Variants in ANO2 observed in about 807,000 individuals in gnomAD.
ANO2 encodes the protein anoctamin-2.
In ANO2, 101 loss-of-function variants were observed where a neutral mutation model predicts 124.2. The observed-to-expected ratio is 0.81, with a 90% CI of 0.69 to 0.96. ANO2 has a LOEUF of 0.96. Among genes scored for constraint, ANO2 ranks in the 40% least tolerant of loss-of-function variants. The pLI, the probability that ANO2 is intolerant of heterozygous loss-of-function variation, is 0.00. For synonymous variants in ANO2, 486 were observed against 482.5 expected, an observed-to-expected ratio of 1.01 and a Z score of -0.09; for missense variants, 1,293 against 1,274.5, an observed-to-expected ratio of 1.01 and a Z score of -0.22.
chr12:5,838,859 T>A (rs1370582965), intron 4 of ANO2, among the ~76,000 whole-genome samples: 1 of 152,164 alleles, frequency 6.6e-6, no homozygotes, highest in Non-Finnish European at 1.5e-5. Flanking sequence ...TGGCACACAG[T>A]GGGGACAGGA....
intron 20 of ANO2, among the ~76,000 whole-genome samples, chr12:5,594,772 A>C (rs1266788425): frequency 6.6e-6 from 1 of 152,170 alleles, no homozygotes; most frequent in Non-Finnish European, 1.5e-5. Context: ...TGGGAGGTCC[A>C]GGCTGCAGTG....
chr12:5,940,547 A>C (rs7314078), intron 1 of ANO2, among the ~76,000 whole-genome samples: 1 of 151,972 alleles, frequency 6.6e-6, no homozygotes, highest in African/African-American at 2.4e-5. Context: ...TCTTGCTCCT[A>C]GGTTCAGGCA....
intron 23 of ANO2, among the ~76,000 whole-genome samples, chr12:5,567,393 T>A (rs776351030): frequency 2.9e-4 from 44 of 152,238 alleles, no homozygotes; most frequent in Non-Finnish European, 2.8e-4. Context: ...GACTCACCTA[T>A]CCTCCCGTCG....
chr12:5,608,479 G>T (rs1944325219), intron 19 of ANO2, among the ~76,000 whole-genome samples: 1 of 151,928 alleles, frequency 6.6e-6, no homozygotes, highest in African/African-American at 2.4e-5. Context: ...TGAAAGAGGG[G>T]TGGCTTGTAT....
At chr12:5,924,415 G>A (rs576967179) in intron 1 of ANO2, among the ~76,000 whole-genome samples, 4 of 152,280 alleles carry the variant, frequency 2.6e-5, no homozygotes, top group South Asian at 2.1e-4. Flanking sequence ...AGTCAAAGTC[G>A]GCTTCTGGGG....
chr12:5,806,378 C>A (rs996225340), intron 8 of ANO2, among the ~76,000 whole-genome samples: 18 of 152,210 alleles, frequency 1.2e-4, no homozygotes, highest in African/African-American at 4.1e-4. Flanking sequence ...GAGCTCCAGA[C>A]TTTAAATGGT....
chr12:5,943,107 C>T (rs1488176597), intron 1 of ANO2, among the ~76,000 whole-genome samples: 2 of 152,158 alleles, frequency 1.3e-5, no homozygotes, highest in East Asian at 1.9e-4. Context: ...AGCAATCCCA[C>T]TACTGGGCAT....
At chr12:5,687,935 G>A (rs12579350) in intron 14 of ANO2, among the ~76,000 whole-genome samples, 18,161 of 152,178 alleles carry the variant, frequency 0.12, 1,227 homozygotes, top group African/African-American at 0.19. Context: ...ACTTTGCCTT[G>A]ACCTTGTGTT....
chr12:5,627,104 C>T (rs1945452886), intron 16 of ANO2, among the ~76,000 whole-genome samples: 1 of 152,200 alleles, frequency 6.6e-6, no homozygotes, highest in African/African-American at 2.4e-5. Flanking sequence ...TCTTACATAA[C>T]TGGTAGGGGT....
intron 10 of ANO2, among the ~76,000 whole-genome samples, chr12:5,768,597 C>T (rs189233515): frequency 6.6e-6 from 1 of 152,228 alleles, no homozygotes; most frequent in South Asian, 2.1e-4. Flanking sequence ...GGAGGACTCA[C>T]AGCCACAGCC....
chr12:5,742,948 C>T (rs562378244), intron 12 of ANO2, among the ~76,000 whole-genome samples: 8 of 152,054 alleles, frequency 5.3e-5, no homozygotes, highest in African/African-American at 7.2e-5. Context: ...CTCCAGCTCT[C>T]GATGGGCTGA....
At position 5,818,673 on chromosome 12, in the gene ANO2, G is replaced by A. The variant is rs558304449; in HGVS notation, c.892+9096C>T. 6.4e-3 allele frequency among the ~76,000 whole-genome samples: 973 copies of A among 151,628 alleles called. 6 individuals are homozygous for A. The highest frequency in any genetic ancestry group is 0.01 in the Non-Finnish European group (698 of 67,902). ...ATATGATTAGACCCCAAAATGCTAA[G>A]GACTCTACTTCTAATAGTATGGAGA... On this transcript the variant is annotated intron_variant, in intron 7 of 24. Coordinates refer to ENST00000682330, the MANE Select transcript of ANO2 (RefSeq NM_001364791.2).
At chr12:5,601,794 G>T (rs1943953710) in intron 19 of ANO2, among the ~76,000 whole-genome samples, 1 of 152,232 alleles carries the variant, frequency 6.6e-6, no homozygotes, top group Non-Finnish European at 1.5e-5. Context: ...AAATAGTCAT[G>T]AATATAGTAG....
intron 3 of ANO2, among the ~76,000 whole-genome samples, chr12:5,885,327 A>G (rs1938810342): frequency 6.6e-6 from 1 of 152,272 alleles, no homozygotes; most frequent in Non-Finnish European, 1.5e-5. Context: ...GAGCAACTGA[A>G]TCAAAATTGC....
intron 1 of ANO2, 85 bp downstream of exon 1, chr12:5,945,111 G>A (rs6416321): frequency 0.39 from 473,922 of 1,203,534 alleles, 98,956 homozygotes; most frequent in East Asian, 0.62. Context: ...AATCCCGAAG[G>A]GTGGGAGTTC....
Position 5,845,274 on chromosome 12 carries a change from GA to G in ANO2, c.633+8768del, listed in dbSNP as rs1253726090. On this transcript the variant is annotated intron_variant, in intron 4 of 24. Transcript: ENST00000682330. ...TTTTTTGAAACTTTGTCTCAAAAAA[GA>G]AAAAAAAAATGGCCTGGCACTGTGG... Among the ~76,000 whole-genome samples the G allele has an allele frequency of 9.0e-3, 1,285 of 142,558 alleles. 22 individuals are homozygous for G. The highest frequency in any genetic ancestry group is 0.03 in the African/African-American group (1,153 of 38,724). The allele number at this position is 142,558 out of a possible 152,430, so 93.5% of individuals were successfully genotyped here.
At position 5,575,879 on chromosome 12, in the gene ANO2, G is replaced by A. The variant is rs373383415; in HGVS notation, c.2576C>T (p.Thr859Met). 1.2e-5 allele frequency: 19 copies of A among 1,613,732 alleles called. No individual in the cohort carries two copies. Among genetic ancestry groups the A allele is most frequent in the East Asian group, 2.2e-5 (1 of 44,880 alleles). The change falls in exon 23 of 25, where the codon ACG becomes ATG. Residue 859 changes from threonine (T) to methionine (M), a missense_variant. Physicochemically the swap from Thr to Met is moderately conservative, Grantham distance 81. Coordinates refer to ENST00000682330, the MANE Select transcript of ANO2 (RefSeq NM_001364791.2). The stretch of plus-strand genomic sequence containing the variant: ...GTCAAACTGTGAGTTTTCTGGCTGC[G>A]TCCCCTCCTTCAGCTGGCTGACGTT... The part of the protein sequence containing the change: ...FFNVSQLKEG[T>M]QPENSQFDQE...
At chr12:5,682,872 G>C (rs1024094581) in intron 14 of ANO2, among the ~76,000 whole-genome samples, 8 of 152,194 alleles carry the variant, frequency 5.3e-5, no homozygotes, top group African/African-American at 1.9e-4. Context: ...TGGGTGGAAT[G>C]GGTAAAGCTT....
chr12:5,601,378 A>T (rs1332132508), intron 19 of ANO2, among the ~76,000 whole-genome samples: 2 of 152,190 alleles, frequency 1.3e-5, no homozygotes, highest in Admixed American at 1.3e-4. Context: ...GAATTTCATA[A>T]GAAAAATTTC....
Sources: allele counts gnomAD v4.1 joint callset (sites outside exome capture counted in the v4.1 genomes callset), GRCh38; gene constraint gnomAD v4.1.1; transcripts MANE v1.5; gene names NCBI Gene and HGNC (gene_info 2026-07-23, HGNC 2026-07-21).